TIAM2: variants seen among roughly 807,000 people sequenced by gnomAD.
TIAM2 encodes TIAM Rac1 associated GEF 2.
A neutral mutation model predicts 152.9 loss-of-function variants in TIAM2; 80 were observed. The observed-to-expected ratio is 0.52, with a 90% CI of 0.44 to 0.63. The LOEUF (loss-of-function observed/expected upper bound fraction) is 0.63, where lower values mean the gene tolerates loss of function less well. Ranked by LOEUF, TIAM2 falls within the 30% of genes least tolerant of loss-of-function variation. The pLI, the probability that TIAM2 is intolerant of heterozygous loss-of-function variation, is 0.00. For synonymous variants in TIAM2, 804 were observed against 838.0 expected, an observed-to-expected ratio of 0.96 and a Z score of 0.70; for missense variants, 1,965 against 2,120.1, an observed-to-expected ratio of 0.93 and a Z score of 1.44.
rs549253498 is a variant in TIAM2 at position 155,079,872 on chromosome 6, T to C, written c.-208-10417T>C. Among the ~76,000 whole-genome samples, 4 of 152,226 alleles carry C rather than the reference T, an allele frequency of 2.6e-5. No individual in the cohort carries two copies. The East Asian group carries it at 5.9e-4, about 22-fold the overall frequency. On this transcript the variant is annotated intron_variant, in intron 1 of 26. Transcript: ENST00000682666. ...CTGAGGTAGGAGAATCGCTTGAAAC[T>C]GGGAGGCAGAGGTTGCAGTGAGACG...
rs751430702 is a variant in TIAM2 at position 155,183,474 on chromosome 6, A to G, written c.3038A>G (p.Asp1013Gly). 6 of 1,613,410 alleles carry G rather than the reference A, an allele frequency of 3.7e-6. No individual in the cohort carries two copies. In the Admixed American group the frequency reaches 6.7e-5, roughly 18 times the overall value. ...TCCCAACTGCTGGAGGAATTCCTGG[A>G]TAACTTTAAAAAGAATACAGCCAAT... ...NQSQLLEEFL[D>G]NFKKNTANDF... The change falls in exon 14 of 27, where the codon GAT becomes GGT. Residue 1013 changes from aspartate to glycine, a missense_variant. Physicochemically the swap from Asp to Gly is moderately conservative, Grantham distance 94. Around this residue, in one of 3 missense-constraint regions of TIAM2, gnomAD observed 935 missense variants for 980.0 expected, o/e 0.95. Transcript: ENST00000682666.
intron 16 of TIAM2, 31 bp downstream of exon 16, chr6:155,240,740 T>A: frequency 6.3e-7 from 1 of 1,588,110 alleles, no homozygotes. Flanking sequence ...TATGCATTCG[T>A]GCCTCTTTGA....
In TIAM2 at chr6:155,186,928, A is replaced by C. The variant is rs1439513910; in HGVS notation, c.3064+3428A>C. Reference sequence around the variant, plus strand: ...TTGCTAGAAGGCAACCATGTACTTGAAAAGAAGGAAAGTTCTGTTTGCTTT... The same window carrying C: ...TTGCTAGAAGGCAACCATGTACTTGCAAAGAAGGAAAGTTCTGTTTGCTTT... On this transcript the variant is annotated intron_variant, in intron 14 of 26. Coordinates refer to ENST00000682666, the MANE Select transcript of TIAM2 (RefSeq NM_012454.4). This position sits in a 1 kb window ranked among gnomAD's most constrained non-coding sequence, Gnocchi z 4.5. Among the ~76,000 whole-genome samples, 1 of 152,188 alleles carries C rather than the reference A, an allele frequency of 6.6e-6. No individual in the cohort carries two copies. Among genetic ancestry groups the C allele is most frequent in the African/African-American group, 2.4e-5 (1 of 41,456 alleles).
At chr6:155,061,902 C>T (rs1777587369) in intron 1 of TIAM2, among the ~76,000 whole-genome samples, 1 of 152,198 alleles carries the variant, frequency 6.6e-6, no homozygotes, top group African/African-American at 2.4e-5. Flanking sequence ...TGCATGGAGT[C>T]GTATAGCCAC....
At chr6:155,231,784 C>G (rs575065058) in intron 15 of TIAM2, among the ~76,000 whole-genome samples, 1 of 152,362 alleles carries the variant, frequency 6.6e-6, no homozygotes, top group Admixed American at 6.5e-5. Context: ...CACTCAAGAG[C>G]ATCATCTGTG....
In TIAM2 at chr6:155,130,340, A is replaced by C. The variant is rs1394948618; in HGVS notation, c.1117A>C (p.Lys373Gln). Residue 373 changes from lysine to glutamine, a missense_variant, in exon 4 of 27, where the codon AAG becomes CAG. Around this residue, in one of 3 missense-constraint regions of TIAM2, gnomAD observed 1,025 missense variants for 1,119.4 expected, o/e 0.92. Coordinates refer to ENST00000682666, the MANE Select transcript of TIAM2 (RefSeq NM_012454.4). Reference sequence around the variant, plus strand: ...AGCCTTTGTTGAGGATACTGCGAAGAAGGACTCCCTCAAAGCCAGGATGCG... The same window carrying C: ...AGCCTTTGTTGAGGATACTGCGAAGCAGGACTCCCTCAAAGCCAGGATGCG... ...PKAFVEDTAK[K>Q]DSLKARMRRI... 13 of 1,614,078 alleles carry C rather than the reference A, an allele frequency of 8.1e-6. No homozygotes were observed. Among genetic ancestry groups the C allele is most frequent in the Non-Finnish European group, 1.0e-5 (12 of 1,180,040 alleles).
At chr6:155,195,209 T>G (rs1222017886) in intron 14 of TIAM2, among the ~76,000 whole-genome samples, 1 of 152,252 alleles carries the variant, frequency 6.6e-6, no homozygotes, top group Non-Finnish European at 1.5e-5. Context: ...TGTGGCTTTG[T>G]TTATAGCTTG....
chr6:155,220,472 C>T (rs1466274297), intron 15 of TIAM2, among the ~76,000 whole-genome samples: 1 of 152,114 alleles, frequency 6.6e-6, no homozygotes, highest in Non-Finnish European at 1.5e-5. Context: ...CCAGCCTGGC[C>T]CCACCAGTGC....
At chr6:155,006,966 C>T (rs1778412290) in intron 1 of TIAM2, among the ~76,000 whole-genome samples, 1 of 152,172 alleles carries the variant, frequency 6.6e-6, no homozygotes, top group Non-Finnish European at 1.5e-5. Flanking sequence ...GTTGGGATTA[C>T]AGGCATGAGC....
At position 155,242,647 on chromosome 6, in the gene TIAM2, G is replaced by A. The variant is rs558944588; in HGVS notation, c.3349-1364G>A. On this transcript the variant is annotated intron_variant, in intron 16 of 26. Transcript: ENST00000682666. ...ATTATAGCTGACTTTGCAGTCAACT[G>A]CTTCTAGTATTTTAGGACTCAAAAT... is the stretch of plus-strand genomic sequence containing the variant. Among the ~76,000 whole-genome samples, 7 of 152,326 alleles carry A rather than the reference G, an allele frequency of 4.6e-5. No homozygotes were observed. The East Asian group carries it at 1.4e-3, about 29-fold the overall frequency.
chr6:155,035,199 T>TA (rs34016688), intron 1 of TIAM2, among the ~76,000 whole-genome samples: 6 of 151,166 alleles, frequency 4.0e-5, no homozygotes, highest in Non-Finnish European at 8.8e-5. Flanking sequence ...CTGTTTTTTT[T>TA]ATTCTTCGCC....
At chr6:155,165,676 T>A (rs562565213) in intron 9 of TIAM2, among the ~76,000 whole-genome samples, 5 of 152,228 alleles carry the variant, frequency 3.3e-5, no homozygotes, top group African/African-American at 9.6e-5. Context: ...TAGTCCCAGC[T>A]ACTCGGGAAG....
At chr6:155,210,918 A>G (rs1318467053) in intron 14 of TIAM2, among the ~76,000 whole-genome samples, 1 of 152,360 alleles carries the variant, frequency 6.6e-6, no homozygotes, top group South Asian at 2.1e-4. Flanking sequence ...AGGGGAGCAT[A>G]GTTCACACAA....
rs1188451764 is a variant in TIAM2 at position 155,214,949 on chromosome 6, A to G, written c.3168+3642A>G. ...AGTCACTGTGCCTGGCCTGACTTAAAATTTTTTAGAAAATCAAATCCTCCT... is the reference window on the plus strand; with the variant it reads ...AGTCACTGTGCCTGGCCTGACTTAAGATTTTTTAGAAAATCAAATCCTCCT... On this transcript the variant is annotated intron_variant, in intron 15 of 26. Transcript: ENST00000682666. This position sits in a 1 kb window ranked among gnomAD's most constrained non-coding sequence, Gnocchi z 5.4. 6.6e-6 allele frequency among the ~76,000 whole-genome samples: 1 copy of G among 152,132 alleles called. No homozygotes were observed. The highest frequency in any genetic ancestry group is 1.5e-5 in the Non-Finnish European group (1 of 68,028).
At chr6:155,170,182 C>T (rs183033488) in intron 9 of TIAM2, among the ~76,000 whole-genome samples, 7 of 114,224 alleles carry the variant, frequency 6.1e-5, no homozygotes, top group East Asian at 1.9e-4. Context: ...TGTCATGGCT[C>T]CCAGGAAAGC....
At chr6:155,147,106 A>G (rs1779835255) in intron 6 of TIAM2, among the ~76,000 whole-genome samples, 1 of 151,872 alleles carries the variant, frequency 6.6e-6, no homozygotes, top group African/African-American at 2.4e-5. Context: ...AGAGAAAGGA[A>G]AAACCTTGAT....
At chr6:155,148,461 G>T in intron 7 of TIAM2, 127 bp downstream of exon 7, 1 of 945,458 alleles carries the variant, frequency 1.1e-6, no homozygotes, top group Non-Finnish European at 1.6e-6. Flanking sequence ...CACCCTGGGG[G>T]AAATAATTTC....
chr6:155,240,477 A>T, intron 15 of TIAM2, 53 bp from the exon 16 acceptor site: 1 of 1,537,274 alleles, frequency 6.5e-7, no homozygotes, highest in Non-Finnish European at 8.8e-7. Flanking sequence ...GGGGCAGCGG[A>T]TACTATCAGG....
chr6:155,241,181 G>A (rs1041738835), intron 16 of TIAM2, among the ~76,000 whole-genome samples: 3 of 152,224 alleles, frequency 2.0e-5, no homozygotes, highest in Admixed American at 1.3e-4. Context: ...TGGTCAGCAC[G>A]TGGGAATATC....
Sources: gnomAD v4.1 joint callset for allele counts (sites outside exome capture counted in the v4.1 genomes callset) on GRCh38, gnomAD v4.1.1 for gene constraint, gnomAD v4.1.1 regional missense constraint, Gnocchi (gnomAD v3.1) non-coding constraint, MANE v1.5 for transcripts, NCBI Gene and HGNC (gene_info 2026-07-23, HGNC 2026-07-21) for gene names.